Variants in RMDN2 observed in about 807,000 individuals in gnomAD.
RMDN2 encodes the protein regulator of microtubule dynamics 2, also known as regulator of microtubule dynamics protein 2.
In RMDN2, 61 loss-of-function variants were observed where a neutral mutation model predicts 52.8. That is an observed-to-expected ratio of 1.16 (90% CI 0.94 to 1.43). RMDN2 has a LOEUF of 1.43. Ranked by LOEUF, RMDN2 falls within the 40% of genes most tolerant of loss-of-function variation. The pLI is 0.00. For synonymous variants in RMDN2, 180 were observed against 153.1 expected (o/e 1.18, Z -1.30); for missense variants, 592 against 475.3 (o/e 1.25, Z -2.28).
chr2:37,969,975 C>T (rs1196038894), intron 2 of RMDN2, among the ~76,000 whole-genome samples: 1 of 151,860 alleles, frequency 6.6e-6, no homozygotes, highest in African/African-American at 2.4e-5. Flanking sequence ...CTCTGTCTCC[C>T]AGGCTGGAGT....
intron 2 of RMDN2, among the ~76,000 whole-genome samples, chr2:37,964,757 T>C (rs1055586926): frequency 2.6e-5 from 4 of 152,200 alleles, no homozygotes; most frequent in Admixed American, 1.3e-4. Context: ...ATCCGCCTGG[T>C]TGTTTTATCC....
intron 10 of RMDN2, among the ~76,000 whole-genome samples, chr2:38,025,976 AG>A (rs1457398931): frequency 6.6e-6 from 1 of 152,076 alleles, no homozygotes; most frequent in Non-Finnish European, 1.5e-5. Context: ...TGAGTTGAAA[AG>A]TACCCTGCCT....
chr2:37,976,001 C>G lies in RMDN2; in HGVS notation c.730+687C>G, dbSNP rs1672414684. 2.6e-5 allele frequency among the ~76,000 whole-genome samples: 4 copies of G among 152,188 alleles called. No homozygotes were observed. In the South Asian group the frequency reaches 8.3e-4, roughly 32 times the overall value. On this transcript the variant is annotated intron_variant, in intron 4 of 10. Transcript: ENST00000354545. The stretch of plus-strand genomic sequence containing the variant: ...GAGGACAAGTGTCTTCAGCAGTTGT[C>G]AACCACAGTTAAAGTAACACATCTT...
At chr2:37,948,001 A>C (rs1269693339) in intron 2 of RMDN2, among the ~76,000 whole-genome samples, 1 of 152,154 alleles carries the variant, frequency 6.6e-6, no homozygotes, top group Non-Finnish European at 1.5e-5. Flanking sequence ...ACTCCAGCTT[A>C]GATAGGCAGC....
In RMDN2 at chr2:37,929,431, A is replaced by G. The variant is rs1204135001; in HGVS notation, c.154A>G (p.Ile52Val). The change falls in exon 2 of 11, where the codon ATA becomes GTA. Residue 52 changes from isoleucine to valine, a missense_variant. By Grantham distance (29) the Ile-to-Val change is conservative. Transcript: ENST00000354545. Reference protein sequence around the residue: ...FLSLGNTFNSITLQDEIHDDQ... With the variant: ...FLSLGNTFNSVTLQDEIHDDQ... Reference sequence around the variant, plus strand: ...TTCTCTGGGTAATACATTTAATTCAATAACTTTGCAAGATGAAATACATGA... The same window carrying G: ...TTCTCTGGGTAATACATTTAATTCAGTAACTTTGCAAGATGAAATACATGA... 1 of 1,551,720 alleles carries G rather than the reference A, an allele frequency of 6.4e-7. No homozygotes were observed. The highest frequency in any genetic ancestry group is 2.4e-5 in the East Asian group (1 of 40,910).
At chr2:38,058,679 T>C (rs1299336800) in intron 10 of RMDN2, among the ~76,000 whole-genome samples, 1 of 152,222 alleles carries the variant, frequency 6.6e-6, no homozygotes, top group African/African-American at 2.4e-5. Context: ...TATCAAGGTG[T>C]TCGTTTTCTG....
At chr2:37,982,023 G>T (rs1673386025) in intron 5 of RMDN2, among the ~76,000 whole-genome samples, 1 of 151,754 alleles carries the variant, frequency 6.6e-6, no homozygotes, top group Admixed American at 6.6e-5. Context: ...AGCAATACAG[G>T]TGCCCCAGAT....
chr2:37,942,006 T>G (rs1430067375), intron 2 of RMDN2, among the ~76,000 whole-genome samples: 2 of 151,796 alleles, frequency 1.3e-5, no homozygotes, highest in African/African-American at 4.8e-5. Context: ...CCCACTTTTG[T>G]GCTTGAAACC....
intron 2 of RMDN2, among the ~76,000 whole-genome samples, chr2:37,945,101 G>A (rs1438698487): frequency 6.6e-6 from 1 of 152,168 alleles, no homozygotes; most frequent in Non-Finnish European, 1.5e-5. Flanking sequence ...CATGGAAACT[G>A]ACAATATAAA....
rs533903980 is a variant in RMDN2 at position 37,951,107 on chromosome 2, A to G, written c.452+21378A>G. ...ATTCTTCTTATTCCCTGCTGTTTTC[A>G]TATTAGTATGGAAACAATACCAATT... On this transcript the variant is annotated intron_variant, in intron 2 of 10. Transcript: ENST00000354545. 4.9e-5 allele frequency: 44 copies of G among 896,044 alleles called. No individual in the cohort carries two copies. The South Asian group carries it at 6.1e-4, about 12-fold the overall frequency. The allele number at this position is 896,044 out of a possible 1,614,324, so 55.5% of individuals were successfully genotyped here.
Position 37,929,385 on chromosome 2 carries a change from A to G in RMDN2, c.108A>G (p.Ala36=). ...ACAAGGTCCGTAAACCAGGGATAGC[A>G]ATGAAGTTACCTGAATTTCTTTCTC... ...WYHKVRKPGI[A]MKLPEFLSLG... The change falls in exon 2 of 11, where the codon GCA becomes GCG. Residue 36 remains alanine (A), a synonymous_variant. Coordinates refer to ENST00000354545, the MANE Select transcript of RMDN2 (RefSeq NM_001170791.3). The G allele has an allele frequency of 6.4e-7, 1 of 1,551,686 alleles. No homozygotes were observed. Among genetic ancestry groups the G allele is most frequent in the East Asian group, 2.4e-5 (1 of 40,916 alleles).
intron 10 of RMDN2, among the ~76,000 whole-genome samples, chr2:38,039,089 CACACAGAG>C (rs763075566): frequency 0.066 from 7,359 of 111,298 alleles, 228 homozygotes; most frequent in Non-Finnish European, 0.091. Context: ...CACACACACA[CACACAGAG>C]AGAGAGATAA....
intron 6 of RMDN2, among the ~76,000 whole-genome samples, chr2:37,990,821 A>G (rs1004315315): frequency 1.3e-5 from 2 of 152,130 alleles, no homozygotes; most frequent in Non-Finnish European, 2.9e-5. Context: ...ATGCCAGAGG[A>G]ATAGGTTTCT....
chr2:38,062,257 C>G (rs2567204), intron 10 of RMDN2, among the ~76,000 whole-genome samples: 1 of 152,098 alleles, frequency 6.6e-6, no homozygotes, highest in East Asian at 1.9e-4. Flanking sequence ...TCGACAACCA[C>G]TGATCTACTC....
chr2:37,940,124 TTC>T (rs1286089630), intron 2 of RMDN2, among the ~76,000 whole-genome samples: 1 of 152,220 alleles, frequency 6.6e-6, no homozygotes, highest in Non-Finnish European at 1.5e-5. Context: ...AGGGTTTTAT[TTC>T]TTCTTCACTT....
downstream of RMDN2, among the ~76,000 whole-genome samples, chr2:38,021,113 A>T (rs978296043): frequency 1.8e-4 from 28 of 152,144 alleles, no homozygotes; most frequent in Non-Finnish European, 3.5e-4. Context: ...GAATGCACCA[A>T]TCAACACTCT....
At chr2:37,991,969 A>G (rs1674864279) in intron 7 of RMDN2, among the ~76,000 whole-genome samples, 1 of 152,256 alleles carries the variant, frequency 6.6e-6, no homozygotes. Context: ...TTTGAATGAT[A>G]AAATTGGGGT....
At chr2:38,019,698 C>G (rs1431957141), downstream of RMDN2, among the ~76,000 whole-genome samples, 1 of 152,080 alleles carries the variant, frequency 6.6e-6, no homozygotes, top group Non-Finnish European at 1.5e-5. Flanking sequence ...GTTCGGGAGG[C>G]TGAGGCGGGA....
chr2:38,007,286 G>C (rs565804980), intron 10 of RMDN2, among the ~76,000 whole-genome samples: 71 of 152,282 alleles, frequency 4.7e-4, no homozygotes, highest in African/African-American at 1.7e-3. Context: ...AATGGTACCA[G>C]CTCCTCCTTG....
Sources: allele counts gnomAD v4.1 joint callset (sites outside exome capture counted in the v4.1 genomes callset), GRCh38; gene constraint gnomAD v4.1.1; transcripts MANE v1.5; gene names NCBI Gene and HGNC (gene_info 2026-07-23, HGNC 2026-07-21).